Variants in DOCK1 observed in about 807,000 individuals in gnomAD.
The protein encoded by DOCK1 is dedicator of cytokinesis protein 1.
DOCK1 carries 138 observed loss-of-function variants against 262.7 expected under a neutral mutation model. The observed-to-expected ratio is 0.53, with a 90% CI of 0.46 to 0.61. The LOEUF is 0.61. DOCK1 is among the 20% of genes least tolerant of loss of function. The probability of loss-of-function intolerance (pLI) is 0.00; values close to 1 mark genes in which losing one functional copy is unlikely to be tolerated. For missense variants in DOCK1, 1,908 were observed against 2,370.7 expected (o/e 0.80, Z 4.05); for synonymous variants, 866 against 867.4 (o/e 1.00, Z 0.03).
At chr10:127,302,326 G>T (rs374145508) in intron 29 of DOCK1, among the ~76,000 whole-genome samples, 3 of 152,206 alleles carry the variant, frequency 2.0e-5, no homozygotes, top group East Asian at 1.9e-4. Flanking sequence ...GACCAGGTGG[G>T]ACTGGACTAC....
intron 29 of DOCK1, among the ~76,000 whole-genome samples, chr10:127,265,655 TC>T (rs998792930): frequency 2.0e-5 from 3 of 152,240 alleles, no homozygotes; most frequent in African/African-American, 7.2e-5. Flanking sequence ...GCAGCTCCTT[TC>T]ATGAGGAAAA....
intron 27 of DOCK1, among the ~76,000 whole-genome samples, chr10:127,129,468 C>T (rs1219304088): frequency 6.6e-6 from 1 of 152,184 alleles, no homozygotes; most frequent in East Asian, 1.9e-4. Flanking sequence ...TTCTTATTCT[C>T]CATGATAATT....
intron 25 of DOCK1, among the ~76,000 whole-genome samples, chr10:127,113,158 A>G (rs2048968668): frequency 6.6e-6 from 1 of 152,094 alleles, no homozygotes; most frequent in African/African-American, 2.4e-5. Flanking sequence ...AATTTGTACA[A>G]ATGTGGTTGT....
intron 1 of DOCK1, among the ~76,000 whole-genome samples, chr10:126,926,798 C>T (rs2033766154): frequency 6.6e-6 from 1 of 152,114 alleles, no homozygotes; most frequent in Admixed American, 6.5e-5. Context: ...CTCCCTGGAG[C>T]TGGAAGAGGC....
rs2070975072 is a variant in DOCK1 at position 127,451,571 on chromosome 10, G to C, written c.*144G>C. 3 of 1,496,916 alleles carry C rather than the reference G, an allele frequency of 2.0e-6. No homozygotes were observed. The highest frequency in any genetic ancestry group is 2.5e-5 in the South Asian group (2 of 79,040). 92.7% of individuals were successfully genotyped at this position (1,496,916 alleles called of 1,614,324 possible). On this transcript the variant is annotated 3_prime_UTR_variant, in exon 52 of 52. Coordinates refer to ENST00000623213, the MANE Select transcript of DOCK1 (RefSeq NM_001290223.2). ...ACTGCTTTTTCTTCAAAGGAGTTCA[G>C]TTCTCACCATGGAGTGAGTGGCCTT...
intron 12 of DOCK1, chr10:127,015,267 A>T (rs1468342894): frequency 6.6e-6 from 1 of 151,348 alleles, no homozygotes; most frequent in East Asian, 1.9e-4. Flanking sequence ...GTCTCTGTCT[A>T]TGTGGCCTCT....
At position 127,091,499 on chromosome 10, in the gene DOCK1, A is replaced by G. The variant is rs114605035; in HGVS notation, c.2446-14732A>G. 3.6e-3 allele frequency among the ~76,000 whole-genome samples: 552 copies of G among 152,080 alleles called. 2 individuals are homozygous for G. Among genetic ancestry groups the G allele is most frequent in the Middle Eastern group, 0.01 (3 of 294 alleles). On this transcript the variant is annotated intron_variant, in intron 23 of 51. Transcript: ENST00000623213. ...TAGCTGTAGGTTGAACACAGGTGCTATCTTTCACGTTTTCAGATCTCTGAG... is the reference window on the plus strand; with the variant it reads ...TAGCTGTAGGTTGAACACAGGTGCTGTCTTTCACGTTTTCAGATCTCTGAG...
chr10:127,393,383 C>T (rs995743180), intron 38 of DOCK1, among the ~76,000 whole-genome samples: 25 of 152,262 alleles, frequency 1.6e-4, no homozygotes, highest in South Asian at 1.4e-3. Flanking sequence ...ATCTTCATTA[C>T]GTACTTACTC....
At chr10:127,083,676 C>T (rs1041699407) in intron 23 of DOCK1, among the ~76,000 whole-genome samples, 6 of 152,108 alleles carry the variant, frequency 3.9e-5, no homozygotes, top group African/African-American at 1.4e-4. Flanking sequence ...TTCTGTTTTT[C>T]CTAAGGTGAT....
At chr10:127,148,654 G>T (rs745789363) in intron 27 of DOCK1, among the ~76,000 whole-genome samples, 22 of 152,120 alleles carry the variant, frequency 1.4e-4, no homozygotes, top group Admixed American at 6.6e-5. Flanking sequence ...AGATTAGTCC[G>T]ACAAAAGAAT....
chr10:127,362,660 A>T (rs939974392), intron 33 of DOCK1, among the ~76,000 whole-genome samples: 6 of 152,172 alleles, frequency 3.9e-5, no homozygotes, highest in African/African-American at 1.4e-4. Flanking sequence ...AATGGAACTG[A>T]TGAAAATTCT....
At chr10:127,213,525 G>A (rs900129155) in intron 27 of DOCK1, among the ~76,000 whole-genome samples, 14 of 152,220 alleles carry the variant, frequency 9.2e-5, no homozygotes, top group Non-Finnish European at 1.5e-4. Context: ...TTGATCACGT[G>A]AGATTGGGTA....
chr10:127,300,691 C>G (rs999180428), intron 29 of DOCK1, among the ~76,000 whole-genome samples: 1 of 152,200 alleles, frequency 6.6e-6, no homozygotes, highest in African/African-American at 2.4e-5. Context: ...GCTAGTTTTT[C>G]TTGGGCCTTT....
At chr10:127,228,484 T>A (rs1386080435) in intron 27 of DOCK1, among the ~76,000 whole-genome samples, 1 of 152,196 alleles carries the variant, frequency 6.6e-6, no homozygotes, top group African/African-American at 2.4e-5. Context: ...TTCCAGGGGC[T>A]GAATTCCACG....
Position 127,451,513 on chromosome 10 carries a change from C to T in DOCK1, c.*86C>T. On this transcript the variant is annotated 3_prime_UTR_variant, in exon 52 of 52. Coordinates refer to ENST00000623213, the MANE Select transcript of DOCK1 (RefSeq NM_001290223.2). ...TGTGTCCCCTGAGTCTGCTGTTTAC[C>T]TCATTGGGCCTGTGATGTTAACATT... 1 of 1,539,710 alleles carries T rather than the reference C, an allele frequency of 6.5e-7. No homozygotes were observed. The highest frequency in any genetic ancestry group is 8.7e-7 in the Non-Finnish European group (1 of 1,143,866).
At chr10:127,007,942 G>T (rs1353862709) in intron 10 of DOCK1, among the ~76,000 whole-genome samples, 1 of 152,198 alleles carries the variant, frequency 6.6e-6, no homozygotes, top group Non-Finnish European at 1.5e-5. Flanking sequence ...GTAGCTACTT[G>T]TTGGCTTAAT....
rs2065812141 is a variant in DOCK1, at chr10:127,381,327, G to A, written c.3766G>A (p.Glu1256Lys). Residue 1256 changes from glutamate (E) to lysine (K), a missense_variant, in exon 37 of 52, where the codon GAA (glutamate) becomes AAA (lysine). By Grantham distance (56) the Glu-to-Lys change is moderately conservative (BLOSUM62 1). Coordinates refer to ENST00000623213, the MANE Select transcript of DOCK1 (RefSeq NM_001290223.2). ...GCACAAGGAGTGTGATAACTACACC[G>A]AAGCGGCTTACACCTTGCTTCTCCA... is the stretch of plus-strand genomic sequence containing the variant. ...DLHKECDNYT[E>K]AAYTLLLHAK... 1.2e-6 allele frequency: 2 copies of A among 1,613,074 alleles called. No individual in the cohort carries two copies. Among genetic ancestry groups the A allele is most frequent in the South Asian group, 1.1e-5 (1 of 90,912 alleles).
At chr10:126,905,764 C>G (rs923306607) in intron 1 of DOCK1, among the ~76,000 whole-genome samples, 8 of 150,502 alleles carry the variant, frequency 5.3e-5, no homozygotes, top group Non-Finnish European at 1.2e-4. Context: ...AGCTCCAGCC[C>G]CGGGGATGCG....
At chr10:127,441,637 A>T (rs958073683) in intron 49 of DOCK1, among the ~76,000 whole-genome samples, 2 of 151,874 alleles carry the variant, frequency 1.3e-5, no homozygotes, top group Non-Finnish European at 1.5e-5. Context: ...GGTGCGGGGG[A>T]GGAGGTTCAC....
Sources: allele counts gnomAD v4.1 joint callset (sites outside exome capture counted in the v4.1 genomes callset), GRCh38; gene constraint gnomAD v4.1.1; transcripts MANE v1.5; gene names NCBI Gene and HGNC (gene_info 2026-07-23, HGNC 2026-07-21).